The following PEX5L variants were observed in gnomAD, a reference collection of about 807,000 sequenced individuals.
The protein encoded by PEX5L is PEX5-related protein.
A neutral mutation model predicts 84.0 loss-of-function variants in PEX5L; 30 were observed. The observed-to-expected ratio is 0.36, with a 90% CI of 0.27 to 0.48. PEX5L has a LOEUF of 0.48. Ranked by LOEUF, PEX5L falls within the 20% of genes least tolerant of loss-of-function variation. PEX5L has a pLI of 0.99. For missense variants in PEX5L, 533 were observed against 754.6 expected, an observed-to-expected ratio of 0.71 and a Z score of 3.44; for synonymous variants, 270 against 283.1, an observed-to-expected ratio of 0.95 and a Z score of 0.46.
chr3:179,960,445 T>C lies in PEX5L; in HGVS notation c.93+11149A>G, dbSNP rs142416982. On this transcript the variant is annotated intron_variant, in intron 2 of 14. Transcript: ENST00000467460. ...AGCCTGCAAGCCCAGTGGAGGAGTT[T>C]GCATTTTATTTGGGAGACAGTGGGA... Among the ~76,000 whole-genome samples the C allele has an allele frequency of 6.1e-3, 923 of 152,274 alleles. 22 individuals are homozygous for C. The highest frequency in any genetic ancestry group is 0.047 in the Admixed American group (712 of 15,296).
intron 8 of PEX5L, among the ~76,000 whole-genome samples, chr3:179,847,361 A>C (rs1372417512): frequency 1.3e-5 from 2 of 152,062 alleles, no homozygotes; most frequent in Non-Finnish European, 2.9e-5. Flanking sequence ...GAGAACCCCG[A>C]CTAATATAAG....
In PEX5L at chr3:180,023,887, C is replaced by CTCCTTGGT. The variant is rs1365197925; in HGVS notation, c.21+12691_21+12692insACCAAGGA. 1.5e-3 allele frequency among the ~76,000 whole-genome samples: 216 copies of CTCCTTGGT among 147,018 alleles called. 16 individuals are homozygous for CTCCTTGGT. The highest frequency in any genetic ancestry group is 5.6e-3 in the African/African-American group (207 of 36,880). ...AGACCCCCTTCAGAGCCATACCTAG[C>CTCCTTGGT]ACCTTGGTAGAGGAGACCCCCTTCA... is the stretch of plus-strand genomic sequence containing the variant. On this transcript the variant is annotated intron_variant, in intron 1 of 14. Coordinates refer to ENST00000467460, the MANE Select transcript of PEX5L (RefSeq NM_016559.3).
intron 1 of PEX5L, among the ~76,000 whole-genome samples, chr3:180,002,814 A>G (rs761437594): frequency 4.6e-5 from 7 of 152,154 alleles, no homozygotes; most frequent in Non-Finnish European, 1.0e-4. Context: ...AGATAATGGC[A>G]AATATAATAA....
intron 3 of PEX5L, among the ~76,000 whole-genome samples, chr3:179,889,421 T>G (rs1026216699): frequency 2.6e-5 from 4 of 152,228 alleles, no homozygotes; most frequent in African/African-American, 9.6e-5. Context: ...CATTTAAACA[T>G]GTGTAAATCT....
chr3:179,856,516 C>T (rs889474917), intron 8 of PEX5L, among the ~76,000 whole-genome samples: 5 of 152,084 alleles, frequency 3.3e-5, no homozygotes, highest in East Asian at 3.8e-4. Flanking sequence ...GTGGCTGGGT[C>T]GATGAGCATA....
At position 180,003,061 on chromosome 3, in the gene PEX5L, G is replaced by A. The variant is rs9854821; in HGVS notation, c.22-31396C>T. ...AACAGAGAAAAGAACGATAAAAATC[G>A]AATTCATTCTGTGTTATTAACGGAG... On this transcript the variant is annotated intron_variant, in intron 1 of 14. Coordinates refer to ENST00000467460, the MANE Select transcript of PEX5L (RefSeq NM_016559.3). Among the ~76,000 whole-genome samples the A allele has an allele frequency of 8.8e-3, 1,336 of 152,166 alleles. 18 individuals are homozygous for A. Among genetic ancestry groups the A allele is most frequent in the African/African-American group, 0.031 (1,271 of 41,530 alleles).
chr3:179,944,978 T>C (rs1777128556), intron 2 of PEX5L, among the ~76,000 whole-genome samples: 1 of 152,236 alleles, frequency 6.6e-6, no homozygotes, highest in Non-Finnish European at 1.5e-5. Flanking sequence ...GTTTATTTCT[T>C]GATAGCAGGT....
chr3:179,912,249 A>T (rs570302620), intron 2 of PEX5L, among the ~76,000 whole-genome samples: 1 of 152,086 alleles, frequency 6.6e-6, no homozygotes, highest in South Asian at 2.1e-4. Flanking sequence ...CTATAAATGG[A>T]CTCCCCACTA....
At chr3:179,973,240 A>G (rs773623621) in intron 1 of PEX5L, 2 of 1,288,896 alleles carry the variant, frequency 1.6e-6, no homozygotes, top group South Asian at 2.5e-5. Flanking sequence ...CATCCATTTC[A>G]CTGTCAGACA....
At chr3:179,903,279 G>A (rs1762032561) in intron 2 of PEX5L, among the ~76,000 whole-genome samples, 1 of 151,854 alleles carries the variant, frequency 6.6e-6, no homozygotes, top group African/African-American at 2.4e-5. Context: ...GGAGTGCAGT[G>A]GTGTGATCTC....
At chr3:179,991,549 GTTCT>G (rs1477546342) in intron 1 of PEX5L, among the ~76,000 whole-genome samples, 2 of 152,072 alleles carry the variant, frequency 1.3e-5, no homozygotes, top group African/African-American at 4.8e-5. Context: ...TTACCCTCTG[GTTCT>G]TTCTTTTTGT....
chr3:179,930,847 T>G (rs1197564415), intron 2 of PEX5L, among the ~76,000 whole-genome samples: 2 of 152,214 alleles, frequency 1.3e-5, no homozygotes, highest in Non-Finnish European at 2.9e-5. Context: ...CTCATACAAA[T>G]GTAAATTTTG....
At chr3:179,891,530 C>T (rs1272684160) in intron 3 of PEX5L, among the ~76,000 whole-genome samples, 3 of 152,126 alleles carry the variant, frequency 2.0e-5, no homozygotes, top group Non-Finnish European at 4.4e-5. Context: ...TCCTTATAAG[C>T]TCTGAAGCCA....
chr3:179,919,559 C>T (rs1269457766), intron 2 of PEX5L, among the ~76,000 whole-genome samples: 2 of 152,178 alleles, frequency 1.3e-5, no homozygotes, highest in African/African-American at 2.4e-5. Context: ...TCGAGTAATT[C>T]GTCTGCAAAT....
At chr3:179,981,999 A>G (rs949389199) in intron 1 of PEX5L, among the ~76,000 whole-genome samples, 2 of 152,230 alleles carry the variant, frequency 1.3e-5, no homozygotes, top group African/African-American at 4.8e-5. Flanking sequence ...ATTTGAGGAT[A>G]TCATCAAACC....
intron 12 of PEX5L, among the ~76,000 whole-genome samples, chr3:179,808,958 C>G (rs890326237): frequency 3.3e-5 from 5 of 150,608 alleles, no homozygotes; most frequent in Admixed American, 6.7e-5. Context: ...CTTGTAGTCC[C>G]AGCTGCTCGG....
chr3:179,813,264 C>G (rs1459792269), intron 10 of PEX5L, among the ~76,000 whole-genome samples: 1 of 152,014 alleles, frequency 6.6e-6, no homozygotes, highest in African/African-American at 2.4e-5. Context: ...AGCCCTGGGT[C>G]CTTGTCTGGA....
chr3:179,896,111 C>G (rs1463161209), intron 3 of PEX5L: 1 of 152,142 alleles, frequency 6.6e-6, no homozygotes, highest in Non-Finnish European at 1.5e-5. Flanking sequence ...TCAGATCATT[C>G]TGCTTCTTTT....
At chr3:179,811,065 A>G (rs1471397753) in intron 11 of PEX5L, among the ~76,000 whole-genome samples, 1 of 152,132 alleles carries the variant, frequency 6.6e-6, no homozygotes, top group Non-Finnish European at 1.5e-5. Context: ...ATACCAACAG[A>G]ATCTTGAAAT....
Sources: allele counts gnomAD v4.1 joint callset (sites outside exome capture counted in the v4.1 genomes callset), GRCh38; gene constraint gnomAD v4.1.1; transcripts MANE v1.5; gene names NCBI Gene and HGNC (gene_info 2026-07-23, HGNC 2026-07-21).